The following PPP1R12B variants were observed in gnomAD, a reference collection of about 807,000 sequenced individuals.
PPP1R12B encodes the protein myosin phosphatase target subunit 2.
Under a neutral mutation model 126.1 loss-of-function variants are expected in PPP1R12B, and 76 were observed. The observed-to-expected ratio is 0.60, with a 90% CI of 0.50 to 0.73. PPP1R12B has a LOEUF of 0.73. Among genes scored for constraint, PPP1R12B ranks in the 30% least tolerant of loss-of-function variants. The pLI is 0.00. For synonymous variants in PPP1R12B, 356 were observed against 434.7 expected (o/e 0.82, Z 2.25); for missense variants, 1,052 against 1,205.1 (o/e 0.87, Z 1.88).
At chr1:202,554,167 A>G (rs369998297) in intron 18 of PPP1R12B, among the ~76,000 whole-genome samples, 66 of 152,338 alleles carry the variant, frequency 4.3e-4, no homozygotes, top group African/African-American at 1.6e-3. Flanking sequence ...GCAAAACACT[A>G]GTTTCTAGAG....
intron 5 of PPP1R12B, 82 bp downstream of exon 5, chr1:202,427,266 T>C: frequency 2.5e-6 from 4 of 1,570,818 alleles, no homozygotes; most frequent in Non-Finnish European, 3.5e-6. Context: ...CTCTTTTCAA[T>C]GGCAGTCTGA....
chr1:202,386,532 C>A (rs1389293146), intron 1 of PPP1R12B, among the ~76,000 whole-genome samples: 3 of 151,558 alleles, frequency 2.0e-5, no homozygotes, highest in African/African-American at 7.3e-5. Flanking sequence ...GGTGTTTCAC[C>A]GGGGTCTCGA....
chr1:202,430,339 A>G (rs1372201373), intron 6 of PPP1R12B, among the ~76,000 whole-genome samples: 1 of 152,180 alleles, frequency 6.6e-6, no homozygotes, highest in East Asian at 1.9e-4. Context: ...CATTTTCCCT[A>G]AGGGCTTATT....
intron 1 of PPP1R12B, among the ~76,000 whole-genome samples, chr1:202,397,921 T>G (rs1185995276): frequency 6.6e-6 from 1 of 152,174 alleles, no homozygotes; most frequent in Non-Finnish European, 1.5e-5. Context: ...TATTTTCTTT[T>G]TTACTTTTGA....
chr1:202,533,295 T>TTTTGTTTTGC (rs1684175621), intron 18 of PPP1R12B, among the ~76,000 whole-genome samples: 1 of 42,344 alleles, frequency 2.4e-5, no homozygotes, highest in African/African-American at 6.7e-5. Context: ...GGGTATTTTG[T>TTTTGTTTTGC]TTTGTTTTGT....
intron 12 of PPP1R12B, among the ~76,000 whole-genome samples, chr1:202,446,258 T>TA (rs1672276187): frequency 2.8e-5 from 3 of 107,058 alleles, no homozygotes; most frequent in Non-Finnish European, 4.0e-5. Context: ...ATATATATAT[T>TA]TTTTTTTTTT....
Position 202,588,359 on chromosome 1 carries a change from C to A in PPP1R12B, c.*7799C>A, listed in dbSNP as rs1689949089. 1 of 152,600 alleles carries A rather than the reference C, an allele frequency of 6.6e-6. No homozygotes were observed. Among genetic ancestry groups the A allele is most frequent in the Admixed American group, 6.5e-5 (1 of 15,276 alleles). The allele number at this position is 152,600 out of a possible 1,614,324, so 9.5% of individuals were successfully genotyped here. On this transcript the variant is annotated 3_prime_UTR_variant, in exon 24 of 24. Transcript: ENST00000608999. ...GTTGGGGTTGTTTAGGGAGAAGCAGCCAGACTTGCTTTGTGAACTGAATGT... is the reference window on the plus strand; with the variant it reads ...GTTGGGGTTGTTTAGGGAGAAGCAGACAGACTTGCTTTGTGAACTGAATGT...
chr1:202,522,983 C>A (rs1396232429), intron 18 of PPP1R12B, among the ~76,000 whole-genome samples: 3 of 152,238 alleles, frequency 2.0e-5, no homozygotes, highest in Admixed American at 2.0e-4. Flanking sequence ...CTCTTAGAAA[C>A]CAGTATATCA....
At position 202,460,390 on chromosome 1, in the gene PPP1R12B, G is replaced by A. The variant is rs367763410; in HGVS notation, c.1850+11219G>A. On this transcript the variant is annotated intron_variant, in intron 13 of 23. Coordinates refer to ENST00000608999, the MANE Select transcript of PPP1R12B (RefSeq NM_002481.4). The stretch of plus-strand genomic sequence containing the variant: ...AGGTAGTTATACCTACTAATGTGAA[G>A]CTGTCAGCAGATTAATTTGGCATCA... Among the ~76,000 whole-genome samples the A allele has an allele frequency of 3.9e-5, 6 of 152,286 alleles. No individual in the cohort carries two copies. The East Asian group carries it at 9.7e-4, about 25-fold the overall frequency.
At chr1:202,372,157 C>G (rs2148453821) in intron 1 of PPP1R12B, among the ~76,000 whole-genome samples, 1 of 152,226 alleles carries the variant, frequency 6.6e-6, no homozygotes, top group South Asian at 2.1e-4. Flanking sequence ...AGGCGTGAGC[C>G]ACTGCGCCCA....
intron 21 of PPP1R12B, among the ~76,000 whole-genome samples, chr1:202,567,032 G>GT (rs1034009140): frequency 8.6e-4 from 131 of 151,918 alleles, no homozygotes; most frequent in Middle Eastern, 6.8e-3. Flanking sequence ...AGGTTATTCT[G>GT]TTTTTTTTGC....
intron 23 of PPP1R12B, 85 bp downstream of exon 23, chr1:202,569,282 C>T (rs1688360458): frequency 7.6e-7 from 1 of 1,314,444 alleles, no homozygotes; most frequent in Non-Finnish European, 1.1e-6. Context: ...CCTGCCCCCT[C>T]CAGATTTCAC....
At chr1:202,359,818 A>G (rs576068897) in intron 1 of PPP1R12B, among the ~76,000 whole-genome samples, 66 of 152,274 alleles carry the variant, frequency 4.3e-4, no homozygotes, top group African/African-American at 1.6e-3. Flanking sequence ...AAAAACAAAA[A>G]CAAAAACAAA....
At chr1:202,460,826 C>A (rs1674217865) in intron 13 of PPP1R12B, among the ~76,000 whole-genome samples, 1 of 152,132 alleles carries the variant, frequency 6.6e-6, no homozygotes, top group South Asian at 2.1e-4. Context: ...AAAGGTGATT[C>A]TTTTAGTGCT....
rs1244734889 is a variant in PPP1R12B at position 202,536,473 on chromosome 1, C to T, written c.2491-22404C>T. On this transcript the variant is annotated intron_variant, in intron 18 of 23. Transcript: ENST00000608999. ...AGGGCATTTACCGTGAATGAATGCA[C>T]CTTACAGGACTAGAAGTTGCTTTGG... is the stretch of plus-strand genomic sequence containing the variant. 3.9e-5 allele frequency among the ~76,000 whole-genome samples: 6 copies of T among 152,210 alleles called. No homozygotes were observed. The East Asian group carries it at 7.7e-4, about 20-fold the overall frequency.
rs769392059 is a variant in PPP1R12B, at chr1:202,422,681, G to C, written c.484G>C (p.Asp162His). The C allele has an allele frequency of 1.2e-6, 2 of 1,613,804 alleles. No individual in the cohort carries two copies. Among genetic ancestry groups the C allele is most frequent in the Admixed American group, 3.3e-5 (2 of 60,002 alleles). ...IVNSEGEVPS[D>H]LAEEPAMKDL... is the part of the protein sequence containing the mutation. ...CAATAGTGAAGGTGAAGTTCCCTCTGACCTTGCAGAAGAGCCAGCCATGAA... is the reference window on the plus strand; with the variant it reads ...CAATAGTGAAGGTGAAGTTCCCTCTCACCTTGCAGAAGAGCCAGCCATGAA... The change falls in exon 3 of 24, where the codon GAC becomes CAC. Residue 162 changes from aspartate (D) to histidine (H), a missense_variant. Coordinates refer to ENST00000608999, the MANE Select transcript of PPP1R12B (RefSeq NM_002481.4).
At position 202,553,451 on chromosome 1, in the gene PPP1R12B, G is replaced by C. The variant is rs556450230; in HGVS notation, c.2491-5426G>C. Reference sequence around the variant, plus strand: ...ACTTAGAGAAGTTCTAAGACTTCCAGATTAGAGCATACAGCATAATAAATT... The same window carrying C: ...ACTTAGAGAAGTTCTAAGACTTCCACATTAGAGCATACAGCATAATAAATT... On this transcript the variant is annotated intron_variant, in intron 18 of 23. Coordinates refer to ENST00000608999, the MANE Select transcript of PPP1R12B (RefSeq NM_002481.4). 5.9e-5 allele frequency among the ~76,000 whole-genome samples: 9 copies of C among 152,294 alleles called. 1 individual carries two copies. The South Asian group carries it at 1.2e-3, about 21-fold the overall frequency.
chr1:202,574,879 C>A, intron 23 of PPP1R12B: 1 of 964,826 alleles, frequency 1.0e-6, no homozygotes, highest in Non-Finnish European at 1.5e-6. Context: ...TCCTTTCTTG[C>A]ATGCAAACTA....
chr1:202,502,881 T>G (rs1051359943), intron 18 of PPP1R12B: 1 of 152,150 alleles, frequency 6.6e-6, no homozygotes, highest in African/African-American at 2.4e-5. Context: ...GATAGGTGTC[T>G]GGCATGCTTG....
Sources: gnomAD v4.1 joint callset for allele counts (sites outside exome capture counted in the v4.1 genomes callset) on GRCh38, gnomAD v4.1.1 for gene constraint, MANE v1.5 for transcripts, NCBI Gene and HGNC (gene_info 2026-07-23, HGNC 2026-07-21) for gene names.